TBC1D19: variants seen among roughly 807,000 people sequenced by gnomAD.
TBC1D19 encodes TBC1 domain family, member 19.
A neutral mutation model predicts 89.0 loss-of-function variants in TBC1D19; 60 were observed. The ratio of observed to expected loss-of-function variants is 0.67; its 90% confidence interval spans 0.55 to 0.84. TBC1D19 has a LOEUF of 0.84. TBC1D19 is among the 40% of genes least tolerant of loss of function. The pLI is 0.00. For synonymous variants in TBC1D19, 189 were observed against 199.7 expected (o/e 0.95, Z 0.45); for missense variants, 500 against 610.8 (o/e 0.82, Z 1.91).
chr4:26,785,954 TA>T, the TBC1D19 span, among the ~76,000 whole-genome samples: 1 of 152,192 alleles, frequency 6.6e-6, no homozygotes, highest in East Asian at 1.9e-4. Context: ...AGAAAAAGAA[TA>T]ATGGTTTCTT....
At chr4:26,645,865 T>C (rs1202277778) in intron 7 of TBC1D19, among the ~76,000 whole-genome samples, 2 of 151,862 alleles carry the variant, frequency 1.3e-5, no homozygotes, top group Non-Finnish European at 2.9e-5. Flanking sequence ...GGCTCACGCC[T>C]GTAATCCCAG....
chr4:26,801,649 G>A, the TBC1D19 span, among the ~76,000 whole-genome samples: 1 of 152,114 alleles, frequency 6.6e-6, no homozygotes, highest in Non-Finnish European at 1.5e-5. Context: ...AGCATGGAAT[G>A]TTCTTCCATT....
At chr4:26,588,043 T>TTTTTTTA (rs1739527996) in intron 1 of TBC1D19, among the ~76,000 whole-genome samples, 1 of 149,672 alleles carries the variant, frequency 6.7e-6, no homozygotes, top group African/African-American at 2.5e-5. Context: ...TTTTTTTTTT[T>TTTTTTTA]GAGGTGAAAT....
chr4:26,673,872 T>C lies in TBC1D19; in HGVS notation c.800T>C (p.Ile267Thr), dbSNP rs1211601059. The change falls in exon 11 of 21, where the codon ATT becomes ACT. Residue 267 changes from isoleucine (I) to threonine (T), a missense_variant. This residue lies in a region of TBC1D19 where 220 missense variants were observed against 319.1 expected (regional missense o/e 0.69). Coordinates refer to ENST00000264866, the MANE Select transcript of TBC1D19 (RefSeq NM_018317.4). Reference protein sequence around the residue: ...RAELWALILNISSQPEDVLYY... With the variant: ...RAELWALILNTSSQPEDVLYY... ...GAATTGTGGGCTCTCATTTTGAATATTTCCAGCCAACCTGAGGTAAGAAGA... is the reference window on the plus strand; with the variant it reads ...GAATTGTGGGCTCTCATTTTGAATACTTCCAGCCAACCTGAGGTAAGAAGA... The C allele has an allele frequency of 1.2e-6, 2 of 1,600,164 alleles. No homozygotes were observed. Among genetic ancestry groups the C allele is most frequent in the African/African-American group, 1.3e-5 (1 of 74,338 alleles).
the TBC1D19 span, among the ~76,000 whole-genome samples, chr4:26,814,764 T>C: frequency 6.6e-6 from 1 of 152,252 alleles, no homozygotes; most frequent in African/African-American, 2.4e-5. Context: ...CACATGCCTA[T>C]TATCCCAATG....
chr4:26,851,357 C>CTATCTATCTGTCTATCTATT, the TBC1D19 span, among the ~76,000 whole-genome samples: 30 of 151,134 alleles, frequency 2.0e-4, no homozygotes, highest in African/African-American at 6.8e-4. Context: ...ATCTATCTAT[C>CTATCTATCTGTCTATCTATT]TATCATCTAT....
intron 7 of TBC1D19, among the ~76,000 whole-genome samples, chr4:26,643,690 A>G (rs1419700483): frequency 2.0e-5 from 3 of 152,190 alleles, no homozygotes; most frequent in Non-Finnish European, 2.9e-5. Flanking sequence ...CAAAACTAAT[A>G]AAGAAGAAAA....
chr4:26,714,263 T>A (rs1220701648), intron 13 of TBC1D19, among the ~76,000 whole-genome samples: 1 of 150,180 alleles, frequency 6.7e-6, no homozygotes, highest in African/African-American at 2.5e-5. Context: ...GTTTGTTTTT[T>A]CTTTTTTTTT....
upstream of TBC1D19, among the ~76,000 whole-genome samples, chr4:26,582,844 T>C (rs1209914210): frequency 1.3e-5 from 2 of 152,236 alleles, no homozygotes; most frequent in East Asian, 1.9e-4. Context: ...GGTGGTGTTA[T>C]AAATGTCAGA....
intron 16 of TBC1D19, among the ~76,000 whole-genome samples, chr4:26,739,053 T>G (rs1718199294): frequency 6.6e-6 from 1 of 152,204 alleles, no homozygotes; most frequent in South Asian, 2.1e-4. Flanking sequence ...TCTATCTGCA[T>G]TATAAATTTG....
At chr4:26,831,185 T>C in the TBC1D19 span, among the ~76,000 whole-genome samples, 1 of 152,202 alleles carries the variant, frequency 6.6e-6, no homozygotes, top group African/African-American at 2.4e-5. Flanking sequence ...AAATAAAATC[T>C]GTATACTTAT....
At chr4:26,691,657 A>G (rs2109169778) in intron 13 of TBC1D19, among the ~76,000 whole-genome samples, 1 of 152,310 alleles carries the variant, frequency 6.6e-6, no homozygotes, top group South Asian at 2.1e-4. Context: ...AGTGTACTTA[A>G]TAGACTATAG....
At chr4:26,618,278 C>T (rs889022420) in intron 3 of TBC1D19, among the ~76,000 whole-genome samples, 5 of 152,058 alleles carry the variant, frequency 3.3e-5, no homozygotes, top group African/African-American at 9.7e-5. Context: ...CACGTAAGGC[C>T]GGCATTTAAC....
At chr4:26,798,146 C>T in the TBC1D19 span, among the ~76,000 whole-genome samples, 9 of 152,172 alleles carry the variant, frequency 5.9e-5, no homozygotes, top group Admixed American at 5.9e-4. Context: ...AATTATGCCT[C>T]TGACAAAGGA....
intron 13 of TBC1D19, among the ~76,000 whole-genome samples, chr4:26,690,414 C>T (rs1714174233): frequency 1.3e-5 from 2 of 152,272 alleles, no homozygotes; most frequent in South Asian, 2.1e-4. Context: ...AACAGCTTTC[C>T]ATTGGAAGAA....
chr4:26,742,409 G>A, intron 17 of TBC1D19, 99 bp from the exon 18 acceptor site: 1 of 981,576 alleles, frequency 1.0e-6, no homozygotes, highest in East Asian at 2.7e-5. Flanking sequence ...GAAAATTTAT[G>A]TTGATAGTTT....
intron 18 of TBC1D19, among the ~76,000 whole-genome samples, chr4:26,746,552 C>G (rs1718660206): frequency 6.6e-6 from 1 of 151,956 alleles, no homozygotes; most frequent in African/African-American, 2.4e-5. Flanking sequence ...CCATCTGGTT[C>G]TTCATACAAA....
At chr4:26,631,104 C>T (rs1246147740) in intron 4 of TBC1D19, among the ~76,000 whole-genome samples, 1 of 152,084 alleles carries the variant, frequency 6.6e-6, no homozygotes, top group Non-Finnish European at 1.5e-5. Flanking sequence ...GAAAAGACCT[C>T]TCCACCTTGA....
chr4:26,851,505 C>A, the TBC1D19 span, among the ~76,000 whole-genome samples: 1 of 152,236 alleles, frequency 6.6e-6, no homozygotes, highest in East Asian at 1.9e-4. Context: ...GAGACTTTTT[C>A]TATTACTGTG....
Sources: allele counts gnomAD v4.1 joint callset (sites outside exome capture counted in the v4.1 genomes callset), GRCh38; gene constraint gnomAD v4.1.1; regional missense constraint gnomAD v4.1.1; transcripts MANE v1.5; gene names NCBI Gene and HGNC (gene_info 2026-07-23, HGNC 2026-07-21).